The following PGM5 variants were observed in gnomAD, a reference collection of about 807,000 sequenced individuals.
PGM5 encodes phosphoglucomutase 5.
In PGM5, 23 loss-of-function variants were observed where a neutral mutation model predicts 59.2. That is an observed-to-expected ratio of 0.39 (90% CI 0.28 to 0.55). The LOEUF is 0.55. Ranked by LOEUF, PGM5 falls within the 20% of genes least tolerant of loss-of-function variation. The pLI is 0.66. For synonymous variants in PGM5, 214 were observed against 286.0 expected (o/e 0.75, Z 2.54); for missense variants, 574 against 748.3 (o/e 0.77, Z 2.72).
rs1554678010 is a variant in PGM5 at position 68,378,260 on chromosome 9, T to A, written c.323T>A (p.Ile108Asn). 1.2e-6 allele frequency: 2 copies of A among 1,604,030 alleles called. No individual in the cohort carries two copies. Among genetic ancestry groups the A allele is most frequent in the South Asian group, 2.2e-5 (2 of 90,328 alleles). Residue 108 changes from isoleucine (I) to asparagine (N), a missense_variant, in exon 2 of 11, where the codon ATC becomes AAC. Around this residue, in one of 7 missense-constraint regions of PGM5, gnomAD observed 61 missense variants for 133.3 expected, o/e 0.46. Transcript: ENST00000396396. The part of the protein sequence containing the change: ...ILSTPAVSCI[I>N]RKIKAAGGII... ...TCGACACCTGCGGTCTCCTGCATTATCAGGAAGATCAAGGCAGCTGGTGGA... is the reference window on the plus strand; with the variant it reads ...TCGACACCTGCGGTCTCCTGCATTAACAGGAAGATCAAGGCAGCTGGTGGA...
Position 68,412,243 on chromosome 9 carries a change from A to G in PGM5, c.1043+19770A>G, listed in dbSNP as rs557617342. ...ACCTGCTATTATTACTTTATAATGT[A>G]GTCTGCATTATTTTTCTTCCTTTAT... On this transcript the variant is annotated intron_variant, in intron 6 of 10. Transcript: ENST00000396396. 2.8e-4 allele frequency among the ~76,000 whole-genome samples: 43 copies of G among 152,328 alleles called. 1 individual carries two copies. Among genetic ancestry groups the G allele is most frequent in the African/African-American group, 9.9e-4 (41 of 41,574 alleles).
intron 7 of PGM5, among the ~76,000 whole-genome samples, chr9:68,475,787 G>C (rs1824092945): frequency 1.3e-5 from 2 of 152,196 alleles, no homozygotes; most frequent in South Asian, 4.1e-4. Context: ...GGTTTTGAAT[G>C]AATTTTGTGC....
chr9:68,468,036 C>T (rs1823962589), intron 7 of PGM5, among the ~76,000 whole-genome samples: 2 of 148,300 alleles, frequency 1.3e-5, no homozygotes, highest in African/African-American at 2.6e-5. Context: ...TTCCTTCCTT[C>T]CTTTCTTTCT....
intron 10 of PGM5, among the ~76,000 whole-genome samples, chr9:68,516,243 C>T (rs1186875115): frequency 6.6e-6 from 1 of 152,130 alleles, no homozygotes; most frequent in African/African-American, 2.4e-5. Context: ...TGGAGTAGAC[C>T]AGCATTCCCA....
At chr9:68,421,387 G>C (rs1432722510) in intron 6 of PGM5, among the ~76,000 whole-genome samples, 1 of 152,068 alleles carries the variant, frequency 6.6e-6, no homozygotes, top group African/African-American at 2.4e-5. Context: ...CATCTTATGG[G>C]CAACGGATTC....
chr9:68,519,028 A>G (rs1824861055), intron 10 of PGM5, among the ~76,000 whole-genome samples: 1 of 152,250 alleles, frequency 6.6e-6, no homozygotes, highest in South Asian at 2.1e-4. Context: ...AGTTTGATTG[A>G]CAACTAATTT....
At chr9:68,389,527 C>T (rs1216148403) in intron 4 of PGM5, among the ~76,000 whole-genome samples, 2 of 152,094 alleles carry the variant, frequency 1.3e-5, no homozygotes, top group Non-Finnish European at 2.9e-5. Flanking sequence ...GCTTCTTTCA[C>T]TCAGCATAAT....
chr9:68,510,558 A>G (rs539558412), intron 10 of PGM5, among the ~76,000 whole-genome samples: 1 of 152,278 alleles, frequency 6.6e-6, no homozygotes, highest in East Asian at 1.9e-4. Flanking sequence ...CTTATTTTAT[A>G]TTGTTGTAAT....
At chr9:68,438,990 G>A (rs1554683521) in intron 6 of PGM5, among the ~76,000 whole-genome samples, 1 of 152,120 alleles carries the variant, frequency 6.6e-6, no homozygotes, top group African/African-American at 2.4e-5. Context: ...TTGGAGAAGT[G>A]GTGGTCCCAA....
At chr9:68,400,367 A>G (rs1429181110) in intron 6 of PGM5, among the ~76,000 whole-genome samples, 1 of 152,030 alleles carries the variant, frequency 6.6e-6, no homozygotes, top group Non-Finnish European at 1.5e-5. Flanking sequence ...CAGTTTCCCA[A>G]ATTTGATGCC....
Position 68,530,135 on chromosome 9 carries a change from G to A in PGM5, c.*479G>A, listed in dbSNP as rs1403067216. 1 of 153,342 alleles carries A rather than the reference G, an allele frequency of 6.5e-6. No homozygotes were observed. The highest frequency in any genetic ancestry group is 1.5e-5 in the Non-Finnish European group (1 of 68,928). The allele number at this position is 153,342 out of a possible 1,614,324, so 9.5% of individuals were successfully genotyped here. On this transcript the variant is annotated 3_prime_UTR_variant, in exon 11 of 11. Transcript: ENST00000396396. The stretch of plus-strand genomic sequence containing the variant: ...CATCCTAGGTCAGGTCTACAATGGG[G>A]GAAGGTTTTATTATAGAACTCCCAA...
intron 6 of PGM5, among the ~76,000 whole-genome samples, chr9:68,440,890 G>A (rs1823515854): frequency 6.6e-6 from 1 of 151,942 alleles, no homozygotes; most frequent in Admixed American, 6.6e-5. Flanking sequence ...CTTTGGAAAA[G>A]TAAATAAAAT....
chr9:68,525,885 T>C (rs1564029620), intron 10 of PGM5, among the ~76,000 whole-genome samples: 1 of 152,026 alleles, frequency 6.6e-6, no homozygotes, highest in African/African-American at 2.4e-5. Flanking sequence ...TGAAACCTCA[T>C]CTCTACTAAA....
At chr9:68,406,568 C>T (rs1413227216) in intron 6 of PGM5, 5 of 148,910 alleles carry the variant, frequency 3.4e-5, no homozygotes, top group Non-Finnish European at 7.4e-5. Context: ...CCTCTCGATA[C>T]TGCCACACTA....
intron 7 of PGM5, among the ~76,000 whole-genome samples, chr9:68,472,714 C>G (rs953885274): frequency 3.3e-5 from 5 of 152,132 alleles, no homozygotes; most frequent in African/African-American, 1.2e-4. Context: ...GGGTAGAGTG[C>G]GAGTAATTTC....
At chr9:68,468,651 T>C (rs78217569) in intron 7 of PGM5, among the ~76,000 whole-genome samples, 1,762 of 152,298 alleles carry the variant, frequency 0.012, 28 homozygotes, top group African/African-American at 0.04. Flanking sequence ...ATTTCCTCTA[T>C]CCTCATTTTC....
chr9:68,451,239 A>G (rs1823690803), intron 6 of PGM5, among the ~76,000 whole-genome samples: 1 of 152,234 alleles, frequency 6.6e-6, no homozygotes, highest in Non-Finnish European at 1.5e-5. Flanking sequence ...AGACATCCGC[A>G]ATGCCAACAC....
At chr9:68,376,020 A>G (rs1379261925) in intron 1 of PGM5, among the ~76,000 whole-genome samples, 1 of 152,228 alleles carries the variant, frequency 6.6e-6, no homozygotes, top group Non-Finnish European at 1.5e-5. Flanking sequence ...GCGATGGAGA[A>G]TGGTACATGA....
chr9:68,406,678 GTATATATATA>G (rs782034091), intron 6 of PGM5, among the ~76,000 whole-genome samples: 2 of 23,600 alleles, frequency 8.5e-5, no homozygotes, highest in Admixed American at 6.7e-4. Context: ...ATATATATAT[GTATATATATA>G]TATATATATA....
Sources: allele counts gnomAD v4.1 joint callset (sites outside exome capture counted in the v4.1 genomes callset), GRCh38; gene constraint gnomAD v4.1.1; regional missense constraint gnomAD v4.1.1; transcripts MANE v1.5; gene names NCBI Gene and HGNC (gene_info 2026-07-23, HGNC 2026-07-21).